The following PCSK4 variants were observed in gnomAD, a reference collection of about 807,000 sequenced individuals.
PCSK4 encodes the protein proprotein convertase subtilisin/kexin type 4, also known as testicular tissue protein Li 135.
In PCSK4, 64 loss-of-function variants were observed where a neutral mutation model predicts 80.3. The ratio of observed to expected loss-of-function variants is 0.80; its 90% CI spans 0.65 to 0.98. The LOEUF is 0.98. Among genes scored for constraint, PCSK4 ranks in the 50% least tolerant of loss-of-function variants. The pLI, the probability that PCSK4 is intolerant of heterozygous loss-of-function variation, is 0.00. For missense variants in PCSK4, 1,213 were observed against 1,093.6 expected, an observed-to-expected ratio of 1.11 and a Z score of -1.54; for synonymous variants, 561 against 487.6, an observed-to-expected ratio of 1.15 and a Z score of -1.98.
At position 1,482,889 on chromosome 19, in the gene PCSK4, C is replaced by G; in HGVS notation, c.1696+7G>C. ...CCCCGCCCACCACAGCCCCGCCCCGCCCTCACCCGTGTTGAAATAGTAGCC... is the reference window on the plus strand; with the variant it reads ...CCCCGCCCACCACAGCCCCGCCCCGGCCTCACCCGTGTTGAAATAGTAGCC... On this transcript the variant is annotated splice_region_variant and intron_variant, in intron 13 of 14. Coordinates refer to ENST00000300954, the Ensembl canonical transcript of PCSK4. The G allele has an allele frequency of 6.2e-7, 1 of 1,612,862 alleles. No homozygotes were observed. Among genetic ancestry groups the G allele is most frequent in the East Asian group, 2.2e-5 (1 of 44,860 alleles).
chr19:1,483,947 G>T lies in PCSK4; in HGVS notation c.1170-6C>A. Reference sequence around the variant, plus strand: ...CTCTCCACGTCAGGAACGGGCTGCGGGGGGCGGGGGCGGGGGCGGGTGAGC... The same window carrying T: ...CTCTCCACGTCAGGAACGGGCTGCGTGGGGCGGGGGCGGGGGCGGGTGAGC... On this transcript the variant is annotated splice_polypyrimidine_tract_variant and splice_region_variant and intron_variant, in intron 9 of 14. Transcript: ENST00000300954. The T allele has an allele frequency of 7.1e-7, 1 of 1,411,442 alleles. No individual in the cohort carries two copies. Among genetic ancestry groups the T allele is most frequent in the Non-Finnish European group, 9.2e-7 (1 of 1,085,206 alleles). 87.4% of individuals were successfully genotyped at this position (1,411,442 alleles called of 1,614,324 possible). A position where few individuals can be genotyped will look rare whatever the true frequency, so the allele number is the denominator to read the frequency against.
At chr19:1,482,949 G>C in exon 13 of PCSK4, 1 of 1,613,036 alleles carries the variant, frequency 6.2e-7, no homozygotes, top group Non-Finnish European at 8.5e-7. Context: ...CACGCCCTGT[G>C]GGTTCTCATC....
rs1000564210 is a variant in PCSK4 at position 1,489,588 on chromosome 19, T to C, written c.294+205A>G. ...GGGGGAGGACAAGAGGTGCCCACTG[T>C]GTACCAGGCCCTGGCAGGCGCCATG... On this transcript the variant is annotated intron_variant, in intron 2 of 14. Coordinates refer to ENST00000300954, the Ensembl canonical transcript of PCSK4. 9.1e-6 allele frequency: 8 copies of C among 878,168 alleles called. No individual in the cohort carries two copies. The Admixed American group carries it at 1.5e-4, about 16-fold the overall frequency. The allele number at this position is 878,168 out of a possible 1,614,324, so 54.4% of individuals were successfully genotyped here.
intron 1 of PCSK4, 74 bp from the exon 2 acceptor site, chr19:1,489,971 C>A: frequency 6.5e-7 from 1 of 1,541,870 alleles, no homozygotes; most frequent in South Asian, 1.2e-5. Context: ...CCGGTAACAG[C>A]CCCCTTCTTT....
intron 11 of PCSK4, 91 bp from the exon 12 acceptor site, chr19:1,483,554 G>A: frequency 7.1e-7 from 1 of 1,409,252 alleles, no homozygotes; most frequent in Non-Finnish European, 9.7e-7. Flanking sequence ...GAGGTCACGG[G>A]GTCCAGCCCT....
exon 15 of PCSK4, chr19:1,481,582 G>A (rs1474609598): frequency 4.1e-6 from 2 of 490,042 alleles, no homozygotes; most frequent in African/African-American, 3.9e-5. Flanking sequence ...AAATGCAGAG[G>A]AGACTTCTCT....
chr19:1,482,153 G>A (rs780900141), exon 15 of PCSK4: 51 of 1,559,496 alleles, frequency 3.3e-5, no homozygotes, highest in Non-Finnish European at 4.0e-5. Flanking sequence ...GAAGAACCGC[G>A]GGGGGCAGTA....
Position 1,487,206 on chromosome 19 carries a change from C to T in PCSK4, c.790G>A (p.Asp264Asn), listed in dbSNP as rs141648948. ...CCGGGGCCGTCCACCGTGCGGCCGT[C>T]GTCCTCGGGACCCCAGCTGGCGCTG... The change falls in exon 7 of 15, where the codon GAC becomes AAC. Residue 264 changes from aspartate to asparagine, a missense_variant. Transcript: ENST00000300954. The T allele has an allele frequency of 3.9e-5, 63 of 1,608,056 alleles. No individual in the cohort carries two copies. The African/African-American group carries it at 6.7e-4, about 17-fold the overall frequency.
chr19:1,482,868 G>A, intron 13 of PCSK4, 28 bp downstream of exon 13: 2 of 1,014,788 alleles, frequency 2.0e-6, no homozygotes, highest in South Asian at 1.3e-5. Flanking sequence ...GCCAAGCCCC[G>A]CCCACCACAG....
rs916668692 is a variant in PCSK4, at chr19:1,483,872, G to C, written c.1239C>G (p.Ala413=). 88 of 1,496,754 alleles carry C rather than the reference G, an allele frequency of 5.9e-5. 1 individual carries two copies. In the East Asian group the frequency reaches 2.3e-3, roughly 40 times the overall value. The allele number at this position is 1,496,754 out of a possible 1,614,324, so 92.7% of individuals were successfully genotyped here. Residue 413 remains alanine (A), a synonymous_variant, in exon 10 of 15, where the codon GCC becomes GCG. Transcript: ENST00000300954. ...CCACGCCGTTGGTCCTCCAGTCCTC[G>C]GCCTGCAGGTGCGCCGGCTTGGACG... is the stretch of plus-strand genomic sequence containing the variant.
At chr19:1,489,663 C>T (rs2084833914) in intron 2 of PCSK4, 130 bp downstream of exon 2, 2 of 1,448,724 alleles carry the variant, frequency 1.4e-6, no homozygotes, top group Admixed American at 2.4e-5. Flanking sequence ...AGACTTGGGG[C>T]CCGGGCGGGT....
At chr19:1,487,014 G>C in exon 8 of PCSK4, 8 of 1,608,924 alleles carry the variant, frequency 5.0e-6, no homozygotes, top group Non-Finnish European at 6.8e-6. Context: ...TCGTAGTGCA[G>C]GCCGCCGTTG....
exon 4 of PCSK4, chr19:1,488,083 C>T (rs2084734784): frequency 6.2e-7 from 1 of 1,612,940 alleles, no homozygotes; most frequent in Admixed American, 1.7e-5. Flanking sequence ...TCTGGTTGGG[C>T]CTCGCTGTTC....
Position 1,488,291 on chromosome 19 carries a change from G to C in PCSK4, c.295-11C>G. On this transcript the variant is annotated splice_polypyrimidine_tract_variant and intron_variant, in intron 2 of 14. Transcript: ENST00000300954. ...CTGGAACCACTGCACCTGCAGAGCA[G>C]AGGGTGCATCAGGCCTGTCCCCTGC... 1 of 1,609,618 alleles carries C rather than the reference G, an allele frequency of 6.2e-7. No homozygotes were observed. Among genetic ancestry groups the C allele is most frequent in the Non-Finnish European group, 8.5e-7 (1 of 1,177,766 alleles).
intron 6 of PCSK4, 52 bp from the exon 7 acceptor site, chr19:1,487,365 A>G (rs1489380126): frequency 6.5e-6 from 9 of 1,389,352 alleles, no homozygotes; most frequent in Non-Finnish European, 8.8e-6. Context: ...CCTTCCCCAC[A>G]CCCCAGCCCG....
chr19:1,481,933 G>A (rs375084626), exon 15 of PCSK4: 25 of 1,597,084 alleles, frequency 1.6e-5, no homozygotes, highest in Admixed American at 5.1e-5. Flanking sequence ...GGGGACAGGC[G>A]GCAGCTCTAA....
chr19:1,489,516 C>T (rs759720520), intron 2 of PCSK4: 14 of 464,358 alleles, frequency 3.0e-5, no homozygotes, highest in Non-Finnish European at 5.0e-5. Context: ...GGGGAAGTCA[C>T]GCCGTCTGTC....
chr19:1,484,760 C>A (rs537543968), intron 8 of PCSK4, among the ~76,000 whole-genome samples: 1 of 151,344 alleles, frequency 6.6e-6, no homozygotes, highest in African/African-American at 2.4e-5. Flanking sequence ...TTGCAGTGAG[C>A]CAAGATCACA....
At chr19:1,485,653 C>T (rs542089297) in intron 8 of PCSK4, among the ~76,000 whole-genome samples, 3 of 152,046 alleles carry the variant, frequency 2.0e-5, no homozygotes, top group Non-Finnish European at 4.4e-5. Context: ...GGGCGGATCA[C>T]GAGGTCAGGA....
Sources: gnomAD v4.1 joint callset for allele counts (sites outside exome capture counted in the v4.1 genomes callset) on GRCh38, gnomAD v4.1.1 for gene constraint, MANE v1.5 for transcripts, NCBI Gene and HGNC (gene_info 2026-07-23, HGNC 2026-07-21) for gene names.